SCYL2: variants seen among roughly 807,000 people sequenced by gnomAD.
SCYL2 encodes the protein SCY1-like protein 2.
A neutral mutation model predicts 100.4 loss-of-function variants in SCYL2; 36 were observed. The ratio of observed to expected loss-of-function variants is 0.36; its 90% CI spans 0.27 to 0.47. SCYL2 has a LOEUF of 0.47. Among genes scored for constraint, SCYL2 ranks in the 20% least tolerant of loss-of-function variants. SCYL2 has a pLI of 1.00. For synonymous variants in SCYL2, 330 were observed against 359.2 expected, an observed-to-expected ratio of 0.92 and a Z score of 0.92; for missense variants, 902 against 1,083.9, an observed-to-expected ratio of 0.83 and a Z score of 2.36.
intron 1 of SCYL2, among the ~76,000 whole-genome samples, chr12:100,271,173 T>C (rs1239063902): frequency 6.7e-6 from 1 of 148,794 alleles, no homozygotes; most frequent in Non-Finnish European, 1.5e-5. Flanking sequence ...AATCTCTGAG[T>C]GCTCCCACAA....
chr12:100,336,693 T>A (rs1952281827), intron 16 of SCYL2, among the ~76,000 whole-genome samples: 1 of 152,120 alleles, frequency 6.6e-6, no homozygotes, highest in African/African-American at 2.4e-5. Context: ...TCTGAGCACA[T>A]TTTTTTCTTC....
Position 100,329,334 on chromosome 12 carries a change from G to T in SCYL2, c.1761+15G>T. ...ATCTTAATCAGGTAGGAGTATTTTT[G>T]TGCTTTATTCATTTTATTCAGCTTA... On this transcript the variant is annotated intron_variant, in intron 13 of 17. Coordinates refer to ENST00000360820, the MANE Select transcript of SCYL2 (RefSeq NM_017988.6). 8.0e-7 allele frequency: 1 copy of T among 1,250,248 alleles called. No individual in the cohort carries two copies. Among genetic ancestry groups the T allele is most frequent in the Non-Finnish European group, 1.2e-6 (1 of 852,678 alleles). 77.4% of individuals were successfully genotyped at this position (1,250,248 alleles called of 1,614,324 possible).
chr12:100,269,725 T>C (rs912630860), intron 1 of SCYL2, among the ~76,000 whole-genome samples: 1 of 152,182 alleles, frequency 6.6e-6, no homozygotes, highest in African/African-American at 2.4e-5. Flanking sequence ...TCCTTACCAC[T>C]GAAGAGTGTG....
At chr12:100,301,513 A>G (rs565981243) in intron 4 of SCYL2, among the ~76,000 whole-genome samples, 1 of 152,044 alleles carries the variant, frequency 6.6e-6, no homozygotes, top group African/African-American at 2.4e-5. Flanking sequence ...ATGTGATCCC[A>G]TTTGTCCGTT....
intron 8 of SCYL2, 81 bp from the exon 9 acceptor site, chr12:100,315,477 G>T: frequency 8.4e-7 from 1 of 1,189,480 alleles, no homozygotes; most frequent in Non-Finnish European, 1.2e-6. Flanking sequence ...GGGATTAGAG[G>T]TTTTAGACCT....
intron 2 of SCYL2, among the ~76,000 whole-genome samples, chr12:100,288,894 T>G (rs2096307410): frequency 6.6e-6 from 1 of 151,974 alleles, no homozygotes; most frequent in South Asian, 2.1e-4. Flanking sequence ...TTAAAATTTT[T>G]TTTTTGAGAT....
Position 100,291,550 on chromosome 12 carries a change from A to G in SCYL2, c.225A>G (p.Gln75=). The G allele has an allele frequency of 6.3e-7, 1 of 1,587,356 alleles. No individual in the cohort carries two copies. Among genetic ancestry groups the G allele is most frequent in the East Asian group, 2.3e-5 (1 of 44,156 alleles). Residue 75 remains glutamine, a synonymous_variant, in exon 3 of 18, where the codon CAA becomes CAG. Coordinates refer to ENST00000360820, the MANE Select transcript of SCYL2 (RefSeq NM_017988.6). ...ATAAAAAACTGATTGACAAGTATCA[A>G]AAATTTGAAAAGGATCAAATCATTG... The part of the protein sequence containing the change: ...VFDKKLIDKY[Q]KFEKDQIIDS...
chr12:100,304,486 T>C (rs2096331625), intron 4 of SCYL2, among the ~76,000 whole-genome samples: 2 of 152,064 alleles, frequency 1.3e-5, no homozygotes, highest in South Asian at 4.1e-4. Context: ...ACATACAGTC[T>C]CTCATGGCTT....
At chr12:100,328,079 A>G (rs1952158086) in intron 12 of SCYL2, among the ~76,000 whole-genome samples, 1 of 152,086 alleles carries the variant, frequency 6.6e-6, no homozygotes, top group South Asian at 2.1e-4. Context: ...GGAGTTCAGG[A>G]CCAGCCTGAG....
intron 4 of SCYL2, among the ~76,000 whole-genome samples, chr12:100,303,267 C>A (rs1246820762): frequency 6.6e-6 from 1 of 152,122 alleles, no homozygotes; most frequent in East Asian, 1.9e-4. Flanking sequence ...CAAACTTATT[C>A]TCTGTCCAGT....
chr12:100,331,483 T>C (rs932264478), intron 13 of SCYL2, among the ~76,000 whole-genome samples: 2 of 152,040 alleles, frequency 1.3e-5, no homozygotes, highest in Non-Finnish European at 2.9e-5. Flanking sequence ...GGTGTGCGCC[T>C]GTAGTCCCAG....
chr12:100,305,146 A>T (rs1255915600), intron 4 of SCYL2, among the ~76,000 whole-genome samples: 2 of 152,242 alleles, frequency 1.3e-5, no homozygotes, highest in Non-Finnish European at 2.9e-5. Flanking sequence ...GCTCTGGACT[A>T]AGTGGCCCAA....
At chr12:100,325,360 G>A (rs185931689) in intron 11 of SCYL2, among the ~76,000 whole-genome samples, 8 of 152,292 alleles carry the variant, frequency 5.3e-5, no homozygotes, top group Middle Eastern at 3.4e-3. Flanking sequence ...ATGCCAACTG[G>A]CCGTTAAGGC....
intron 3 of SCYL2, among the ~76,000 whole-genome samples, chr12:100,294,483 G>C (rs1226565614): frequency 9.3e-6 from 1 of 107,272 alleles, no homozygotes; most frequent in African/African-American, 3.8e-5. Context: ...CTCACCTCCA[G>C]GATGGGGCGG....
intron 7 of SCYL2, among the ~76,000 whole-genome samples, chr12:100,314,221 A>G (rs2096345775): frequency 6.6e-6 from 1 of 152,192 alleles, no homozygotes; most frequent in African/African-American, 2.4e-5. Flanking sequence ...TATGCCTTCA[A>G]ATTATTTTAT....
intron 2 of SCYL2, among the ~76,000 whole-genome samples, chr12:100,289,099 T>TG (rs2096307676): frequency 6.6e-6 from 1 of 152,146 alleles, no homozygotes; most frequent in Non-Finnish European, 1.5e-5. Flanking sequence ...GATGAGAACT[T>TG]GAAGTTTTAG....
chr12:100,310,188 G>A (rs1396362644), intron 4 of SCYL2, among the ~76,000 whole-genome samples: 3 of 152,034 alleles, frequency 2.0e-5, no homozygotes, highest in South Asian at 2.1e-4. Context: ...TAGTATTGAC[G>A]GGGTTTCCCC....
At chr12:100,276,684 T>A (rs1194429698) in intron 1 of SCYL2, among the ~76,000 whole-genome samples, 1 of 152,154 alleles carries the variant, frequency 6.6e-6, no homozygotes, top group Non-Finnish European at 1.5e-5. Flanking sequence ...ATTTCATTGA[T>A]CTTTTCAAAA....
chr12:100,269,417 TACC>T, intron 1 of SCYL2, among the ~76,000 whole-genome samples: 1 of 152,236 alleles, frequency 6.6e-6, no homozygotes, highest in South Asian at 2.1e-4. Flanking sequence ...TATATGTTCT[TACC>T]ACACCATTGA....
Sources: gnomAD v4.1 joint callset for allele counts (sites outside exome capture counted in the v4.1 genomes callset) on GRCh38, gnomAD v4.1.1 for gene constraint, MANE v1.5 for transcripts, NCBI Gene and HGNC (gene_info 2026-07-23, HGNC 2026-07-21) for gene names.